The following ATP9B variants were observed in gnomAD, a reference collection of about 807,000 sequenced individuals.
ATP9B encodes the protein ATPase phospholipid transporting 9B, also known as probable phospholipid-transporting ATPase IIB.
A neutral mutation model predicts 146.1 loss-of-function variants in ATP9B; 110 were observed. That is an observed-to-expected ratio of 0.75 (90% confidence interval 0.65 to 0.88). The LOEUF is 0.88. Among genes scored for constraint, ATP9B ranks in the 40% least tolerant of loss-of-function variants. The pLI is 0.00. For missense variants in ATP9B, 1,499 were observed against 1,496.4 expected (o/e 1.00, Z -0.03); for synonymous variants, 604 against 569.7 (o/e 1.06, Z -0.86).
intron 11 of ATP9B, among the ~76,000 whole-genome samples, chr18:79,243,577 C>T (rs2095910683): frequency 6.6e-6 from 1 of 152,164 alleles, no homozygotes; most frequent in African/African-American, 2.4e-5. Flanking sequence ...GCCTTGTGTC[C>T]TTGACTAGGT....
intron 1 of ATP9B, among the ~76,000 whole-genome samples, chr18:79,076,681 A>G (rs752537504): frequency 9.2e-5 from 14 of 152,090 alleles, no homozygotes; most frequent in Non-Finnish European, 1.5e-4. Flanking sequence ...TCCTAATTCT[A>G]TAAGTTTGTG....
At chr18:79,112,157 G>A (rs186353856) in intron 3 of ATP9B, among the ~76,000 whole-genome samples, 64 of 152,272 alleles carry the variant, frequency 4.2e-4, no homozygotes, top group African/African-American at 1.2e-3. Flanking sequence ...ACAAGTTGCA[G>A]ACTCTCTAGT....
At chr18:79,370,600 G>T (rs984619014) in intron 26 of ATP9B, among the ~76,000 whole-genome samples, 1 of 152,220 alleles carries the variant, frequency 6.6e-6, no homozygotes, top group African/African-American at 2.4e-5. Context: ...CAGTCTGGGA[G>T]CCATTAATAG....
At chr18:79,287,652 C>T (rs1309387026) in intron 13 of ATP9B, among the ~76,000 whole-genome samples, 1 of 151,858 alleles carries the variant, frequency 6.6e-6, no homozygotes, top group Admixed American at 6.6e-5. Context: ...TTCTTGCCTT[C>T]TGCTAGCTTT....
At chr18:79,317,872 T>C (rs2146813453) in intron 15 of ATP9B, among the ~76,000 whole-genome samples, 1 of 152,272 alleles carries the variant, frequency 6.6e-6, no homozygotes, top group Non-Finnish European at 1.5e-5. Flanking sequence ...GCCTGGAGCA[T>C]CTGGTACTGC....
chr18:79,209,065 G>T (rs549462998), intron 10 of ATP9B, among the ~76,000 whole-genome samples: 38 of 152,356 alleles, frequency 2.5e-4, no homozygotes, highest in African/African-American at 9.1e-4. Context: ...AGTGTGGTCA[G>T]TGCTGGCCTG....
intron 1 of ATP9B, among the ~76,000 whole-genome samples, chr18:79,073,518 C>G (rs947598546): frequency 1.3e-4 from 20 of 152,214 alleles, no homozygotes; most frequent in Non-Finnish European, 2.2e-4. Flanking sequence ...ATCCCAGGCA[C>G]TCGGCAGGCT....
intron 9 of ATP9B, among the ~76,000 whole-genome samples, chr18:79,198,771 C>T (rs1156604045): frequency 1.3e-5 from 2 of 152,096 alleles, no homozygotes; most frequent in African/African-American, 4.8e-5. Flanking sequence ...GTACTAACGA[C>T]AAATGGAGTT....
chr18:79,375,820 A>T, intron 29 of ATP9B: 2 of 985,420 alleles, frequency 2.0e-6, no homozygotes, highest in South Asian at 4.7e-5. Flanking sequence ...TCCCTGTGTC[A>T]TTTATTTTAC....
At chr18:79,271,105 T>G (rs1200178762) in intron 12 of ATP9B, among the ~76,000 whole-genome samples, 2 of 152,166 alleles carry the variant, frequency 1.3e-5, no homozygotes, top group African/African-American at 4.8e-5. Flanking sequence ...GTACTCAGCT[T>G]ACTCTTCCGA....
At chr18:79,127,113 A>G (rs2094300297) in intron 5 of ATP9B, among the ~76,000 whole-genome samples, 1 of 152,228 alleles carries the variant, frequency 6.6e-6, no homozygotes, top group Non-Finnish European at 1.5e-5. Context: ...TTGTATGTAT[A>G]TAAGAGGACA....
intron 7 of ATP9B, among the ~76,000 whole-genome samples, chr18:79,168,188 T>G (rs1241247745): frequency 6.6e-6 from 1 of 152,114 alleles, no homozygotes; most frequent in Admixed American, 6.5e-5. Flanking sequence ...AGGAGCAACC[T>G]CCGGAAAGCC....
intron 11 of ATP9B, among the ~76,000 whole-genome samples, chr18:79,218,006 A>C (rs1293877634): frequency 6.6e-6 from 1 of 152,244 alleles, no homozygotes; most frequent in Non-Finnish European, 1.5e-5. Flanking sequence ...ATTGAGCTGC[A>C]AATACATATT....
intron 9 of ATP9B, among the ~76,000 whole-genome samples, chr18:79,194,856 A>G: frequency 6.6e-6 from 1 of 152,214 alleles, no homozygotes; most frequent in Non-Finnish European, 1.5e-5. Flanking sequence ...TTGTCTTGGG[A>G]TGCTGATATC....
chr18:79,228,658 G>T (rs1042167840), intron 11 of ATP9B, among the ~76,000 whole-genome samples: 2 of 152,120 alleles, frequency 1.3e-5, no homozygotes, highest in Non-Finnish European at 2.9e-5. Context: ...GATGTGACTT[G>T]CTGTTCTGGT....
chr18:79,347,630 C>G (rs1419538321), intron 23 of ATP9B, 140 bp from the exon 24 acceptor site: 2 of 1,024,770 alleles, frequency 2.0e-6, no homozygotes, highest in Non-Finnish European at 2.7e-6. Context: ...CTGTCCCCAT[C>G]GACGGAGCTG....
At chr18:79,359,237 G>T in intron 25 of ATP9B, 117 bp from the exon 26 acceptor site, 1 of 716,940 alleles carries the variant, frequency 1.4e-6, no homozygotes, top group Non-Finnish European at 2.3e-6. Flanking sequence ...TACTTTGTTG[G>T]TTTTTGTGGA....
intron 9 of ATP9B, among the ~76,000 whole-genome samples, chr18:79,195,136 CAT>C (rs2095406722): frequency 6.6e-6 from 1 of 152,170 alleles, no homozygotes; most frequent in Non-Finnish European, 1.5e-5. Flanking sequence ...TCATTGAAGA[CAT>C]AGAACTTCAT....
intron 10 of ATP9B, chr18:79,209,862 T>A: frequency 5.7e-6 from 1 of 176,838 alleles, no homozygotes; most frequent in Non-Finnish European, 1.1e-5. Context: ...TGCTATATCC[T>A]AAGGAATGTT....
Sources: allele counts gnomAD v4.1 joint callset (sites outside exome capture counted in the v4.1 genomes callset), GRCh38; gene constraint gnomAD v4.1.1; transcripts MANE v1.5; gene names NCBI Gene and HGNC (gene_info 2026-07-23, HGNC 2026-07-21).